IL1RAPL2: variants seen among roughly 807,000 people sequenced by gnomAD.
IL1RAPL2 encodes the protein X-linked interleukin-1 receptor accessory protein-like 2.
Under a neutral mutation model 44.1 loss-of-function variants are expected in IL1RAPL2, and 3 were observed. The observed-to-expected ratio is 0.07, with a 90% CI of 0.03 to 0.18. IL1RAPL2 has a LOEUF of 0.18. Ranked by LOEUF, IL1RAPL2 falls within the 10% of genes least tolerant of loss-of-function variation. IL1RAPL2 has a pLI of 1.00. For synonymous variants in IL1RAPL2, 181 were observed against 178.8 expected (o/e 1.01, Z -0.10); for missense variants, 391 against 496.4 (o/e 0.79, Z 2.02).
intron 2 of IL1RAPL2, among the ~76,000 whole-genome samples, chrX:104,694,874 T>A (rs1194596330): frequency 8.9e-6 from 1 of 112,133 alleles, no homozygotes; most frequent in Non-Finnish European, 1.9e-5. Context: ...TACCCTGAAA[T>A]GATTCTGCCA....
chrX:104,711,530 G>A (rs1931456032), intron 2 of IL1RAPL2, among the ~76,000 whole-genome samples: 1 of 110,341 alleles, frequency 9.1e-6, no homozygotes, highest in Admixed American at 9.7e-5. Flanking sequence ...GTATGTATAG[G>A]AAAATAATGA....
intron 5 of IL1RAPL2, among the ~76,000 whole-genome samples, chrX:105,469,610 G>C (rs893514394): frequency 9.1e-6 from 1 of 110,416 alleles, no homozygotes; most frequent in Non-Finnish European, 1.9e-5. Context: ...AGGAAGACTA[G>C]AGTCTTTGTA....
chrX:105,262,485 C>G (rs769190352), intron 4 of IL1RAPL2, among the ~76,000 whole-genome samples: 1 of 111,601 alleles, frequency 9.0e-6, no homozygotes, highest in African/African-American at 3.3e-5. Flanking sequence ...ATGTGATGCC[C>G]TATATTACAG....
intron 2 of IL1RAPL2, among the ~76,000 whole-genome samples, chrX:105,124,800 A>G (rs1327522616): frequency 9.0e-6 from 1 of 110,573 alleles, no homozygotes; most frequent in African/African-American, 3.3e-5. Flanking sequence ...TTCACTTTAA[A>G]TTTTTTTCAC....
At chrX:104,872,445 C>G (rs940143508) in intron 2 of IL1RAPL2, among the ~76,000 whole-genome samples, 2 of 111,952 alleles carry the variant, frequency 1.8e-5, no homozygotes, top group Admixed American at 1.9e-4. Flanking sequence ...AGCCCATGGA[C>G]ATGAGGCCCT....
chrX:105,525,621 C>T (rs1411348260), intron 6 of IL1RAPL2, among the ~76,000 whole-genome samples: 1 of 111,254 alleles, frequency 9.0e-6, no homozygotes. Context: ...AGGATAATGA[C>T]TCATTTCACT....
intron 4 of IL1RAPL2, among the ~76,000 whole-genome samples, chrX:105,241,582 T>C (rs1805883892): frequency 8.9e-6 from 1 of 112,125 alleles, no homozygotes. Flanking sequence ...TTAATCAGTT[T>C]TACCATAAGG....
chrX:105,202,310 G>T (rs1460355026), intron 3 of IL1RAPL2, among the ~76,000 whole-genome samples: 7 of 112,381 alleles, frequency 6.2e-5, no homozygotes, highest in Non-Finnish European at 1.3e-4. Context: ...GGTTAACACT[G>T]TTATTTATAT....
At chrX:105,464,861 CACTCATACACTAACTCAGACT>C (rs1157638960) in intron 5 of IL1RAPL2, among the ~76,000 whole-genome samples, 6 of 110,874 alleles carry the variant, frequency 5.4e-5, no homozygotes, top group African/African-American at 2.0e-4. Context: ...CACACTCACA[CACTCATACACTAACTCAGACT>C]AAGACAATTT....
intron 6 of IL1RAPL2, among the ~76,000 whole-genome samples, chrX:105,486,732 C>T (rs868838429): frequency 2.7e-5 from 2 of 74,853 alleles, no homozygotes; most frequent in South Asian, 9.1e-4. Context: ...ATCTATATAT[C>T]TATATCTATC....
Position 105,684,967 on chromosome X carries a change from C to CTGTT in IL1RAPL2, c.773-32399_773-32396dup, listed in dbSNP as rs772493139. The stretch of plus-strand genomic sequence containing the variant: ...ACAGACCTGCAGCTGAGGGACCTGA[C>CTGTT]TGTTAGAAGGAAAACTAACAAACAG... On this transcript the variant is annotated intron_variant, in intron 6 of 10. Coordinates refer to ENST00000372582, the MANE Select transcript of IL1RAPL2 (RefSeq NM_017416.2). Among the ~76,000 whole-genome samples, 10 of 112,179 alleles carry CTGTT rather than the reference C, an allele frequency of 8.9e-5. No individual in the cohort carries two copies. In the East Asian group the frequency reaches 1.7e-3, roughly 19 times the overall value.
At chrX:105,108,986 C>T (rs1371691953) in intron 2 of IL1RAPL2, among the ~76,000 whole-genome samples, 3 of 111,765 alleles carry the variant, frequency 2.7e-5, no homozygotes, top group Admixed American at 9.5e-5. Context: ...TCTCCCGCTT[C>T]ACTCTACAAA....
At chrX:105,017,394 C>A (rs2392621) in intron 2 of IL1RAPL2, among the ~76,000 whole-genome samples, 50,737 of 109,902 alleles carry the variant, frequency 0.46, 9,250 homozygotes, top group East Asian at 0.75. Context: ...TTAACTGTAG[C>A]TTTAATAAAT....
intron 2 of IL1RAPL2, among the ~76,000 whole-genome samples, chrX:105,123,272 GA>G (rs2032943217): frequency 9.0e-6 from 1 of 110,694 alleles, no homozygotes; most frequent in Non-Finnish European, 1.9e-5. Context: ...GTAGGGTTAG[GA>G]AAACTTTATT....
At chrX:105,735,378 A>G (rs745939034) in intron 7 of IL1RAPL2, among the ~76,000 whole-genome samples, 8 of 110,952 alleles carry the variant, frequency 7.2e-5, no homozygotes, top group Non-Finnish European at 1.5e-4. Flanking sequence ...TTGTATATCT[A>G]TTGTTTCAAT....
chrX:104,686,379 T>C (rs1930988024), intron 2 of IL1RAPL2, among the ~76,000 whole-genome samples: 1 of 112,334 alleles, frequency 8.9e-6, no homozygotes, highest in Non-Finnish European at 1.9e-5. Context: ...GCTTGGTAAG[T>C]AGCGCATAAC....
intron 1 of IL1RAPL2, chrX:104,647,503 G>A (rs1425134912): frequency 2.4e-5 from 13 of 542,459 alleles, no homozygotes; most frequent in Middle Eastern, 1.0e-3. Flanking sequence ...AGGACACATC[G>A]TCCAGGATGA....
intron 2 of IL1RAPL2, among the ~76,000 whole-genome samples, chrX:104,884,560 AC>A (rs1434661957): frequency 1.0e-5 from 1 of 98,944 alleles, no homozygotes; most frequent in Non-Finnish European, 2.2e-5. Flanking sequence ...TGACCCGCAA[AC>A]CCTGAAAAAG....
rs529653126 is a variant in IL1RAPL2 at position 105,053,610 on chromosome X, A to G, written c.83-141865A>G. On this transcript the variant is annotated intron_variant, in intron 2 of 10. Coordinates refer to ENST00000372582, the MANE Select transcript of IL1RAPL2 (RefSeq NM_017416.2). ...CCACACACCCTGATTGGTTGATATT[A>G]CAGTATGTCCTCACTTAATATGTTC... is the stretch of plus-strand genomic sequence containing the variant. Among the ~76,000 whole-genome samples the G allele has an allele frequency of 5.4e-5, 6 of 111,789 alleles. No homozygotes were observed. In the South Asian group the frequency reaches 2.3e-3, roughly 42 times the overall value.
Sources: allele counts gnomAD v4.1 joint callset (sites outside exome capture counted in the v4.1 genomes callset), GRCh38; gene constraint gnomAD v4.1.1; transcripts MANE v1.5; gene names NCBI Gene and HGNC (gene_info 2026-07-23, HGNC 2026-07-21).